The following PTPRO variants were observed in gnomAD, a reference collection of about 807,000 sequenced individuals.
The protein encoded by PTPRO is protein tyrosine phosphatase receptor type O, also known as receptor-type tyrosine-protein phosphatase O.
In PTPRO, 62 loss-of-function variants were observed where a neutral mutation model predicts 145.2. That is an observed-to-expected ratio of 0.43 (90% CI 0.35 to 0.53). PTPRO has a LOEUF of 0.53. Among genes scored for constraint, PTPRO ranks in the 20% least tolerant of loss-of-function variants. The pLI is 0.01. For synonymous variants in PTPRO, 565 were observed against 514.7 expected (o/e 1.10, Z -1.32); for missense variants, 1,345 against 1,482.7 (o/e 0.91, Z 1.53).
Position 15,536,626 on chromosome 12 carries a change from C to T in PTPRO, c.2165-9943C>T, listed in dbSNP as rs564411150. ...CTTTAAGCAGAGGCGCATAACCTAA[C>T]GGGTTTCACTGGGTCACTCTGGTGA... On this transcript the variant is annotated intron_variant, in intron 12 of 26. Transcript: ENST00000281171. Among the ~76,000 whole-genome samples the T allele has an allele frequency of 3.7e-4, 56 of 152,246 alleles. 1 individual carries two copies. The highest frequency in any genetic ancestry group is 1.2e-3 in the African/African-American group (50 of 41,556).
chr12:15,589,412 A>G (rs1944498813), intron 24 of PTPRO, 43 bp from the exon 25 acceptor site: 12 of 1,613,042 alleles, frequency 7.4e-6, no homozygotes, highest in Non-Finnish European at 1.0e-5. Flanking sequence ...GAAAAAAAAG[A>G]AGCACCATCT....
intron 1 of PTPRO, among the ~76,000 whole-genome samples, chr12:15,327,450 C>T (rs1866477849): frequency 6.6e-6 from 1 of 152,114 alleles, no homozygotes; most frequent in Admixed American, 6.5e-5. Flanking sequence ...ATGACCACAA[C>T]CAACCAGAAC....
intron 1 of PTPRO, among the ~76,000 whole-genome samples, chr12:15,445,261 C>G (rs1039449462): frequency 6.6e-6 from 1 of 151,932 alleles, no homozygotes; most frequent in African/African-American, 2.4e-5. Flanking sequence ...TAATTTTGTA[C>G]AGTGGTCATA....
intron 1 of PTPRO, among the ~76,000 whole-genome samples, chr12:15,480,325 T>C (rs1169820202): frequency 6.6e-6 from 1 of 152,238 alleles, no homozygotes; most frequent in Non-Finnish European, 1.5e-5. Flanking sequence ...TTTTGGACTA[T>C]TTCTTGAATA....
In PTPRO at chr12:15,581,744, G is replaced by C; in HGVS notation, c.3198G>C (p.Glu1066Asp). Residue 1066 changes from glutamate to aspartate, a missense_variant, in exon 23 of 27, where the codon GAG (glutamate) becomes GAC (aspartate). Transcript: ENST00000281171. ...EPIAYGDITV[E>D]MISEEEQDDW... is the part of the protein sequence containing the mutation. The stretch of plus-strand genomic sequence containing the variant: ...TAGCCTATGGAGACATCACTGTGGA[G>C]ATGATTTCAGAGGAAGAGCAGGACG... 6.2e-7 allele frequency: 1 copy of C among 1,614,054 alleles called. No homozygotes were observed. The highest frequency in any genetic ancestry group is 8.5e-7 in the Non-Finnish European group (1 of 1,179,954).
chr12:15,560,084 T>G, intron 16 of PTPRO, 109 bp from the exon 17 acceptor site: 1 of 801,456 alleles, frequency 1.2e-6, no homozygotes, highest in East Asian at 2.5e-5. Context: ...AAGGTGCTTG[T>G]CATATTAATT....
chr12:15,534,102 C>A lies in PTPRO; in HGVS notation c.2164+7840C>A, dbSNP rs74063851. On this transcript the variant is annotated intron_variant, in intron 12 of 26. Coordinates refer to ENST00000281171, the MANE Select transcript of PTPRO (RefSeq NM_030667.3). The stretch of plus-strand genomic sequence containing the variant: ...TGGTGCTTTTCCCAGGATGTTGAAC[C>A]AACCATCCCATTAGGAATTTTAGGT... Among the ~76,000 whole-genome samples, 1,456 of 152,138 alleles carry A rather than the reference C, an allele frequency of 9.6e-3. 14 individuals carry two copies. Among genetic ancestry groups the A allele is most frequent in the African/African-American group, 0.033 (1,384 of 41,484 alleles).
intron 1 of PTPRO, among the ~76,000 whole-genome samples, chr12:15,395,705 T>A (rs1186131096): frequency 6.6e-6 from 1 of 152,126 alleles, no homozygotes; most frequent in Admixed American, 6.6e-5. Flanking sequence ...TTACCTGGCC[T>A]AAATTGAAGC....
intron 1 of PTPRO, among the ~76,000 whole-genome samples, chr12:15,437,753 C>T (rs909435175): frequency 1.3e-5 from 2 of 152,146 alleles, no homozygotes; most frequent in Non-Finnish European, 2.9e-5. Flanking sequence ...GAACTTGGAG[C>T]AAAGGTGGTT....
At chr12:15,430,667 A>C (rs1390138272) in intron 1 of PTPRO, among the ~76,000 whole-genome samples, 1 of 152,154 alleles carries the variant, frequency 6.6e-6, no homozygotes, top group Admixed American at 6.6e-5. Context: ...TACATCATGG[A>C]TGCTTAGTAA....
At chr12:15,376,364 CA>C (rs1169060227) in intron 1 of PTPRO, among the ~76,000 whole-genome samples, 1 of 152,000 alleles carries the variant, frequency 6.6e-6, no homozygotes, top group African/African-American at 2.4e-5. Context: ...AACTATCTTT[CA>C]AAAATGAAGG....
intron 4 of PTPRO, among the ~76,000 whole-genome samples, chr12:15,500,456 G>A (rs999618934): frequency 6.6e-6 from 1 of 152,162 alleles, no homozygotes; most frequent in South Asian, 2.1e-4. Flanking sequence ...CCTGGAAGTT[G>A]TTCTCAGTAC....
intron 1 of PTPRO, among the ~76,000 whole-genome samples, chr12:15,445,454 AGTGCACAGGAAACATTTAT>A (rs1940877598): frequency 6.6e-6 from 1 of 152,226 alleles, no homozygotes; most frequent in East Asian, 1.9e-4. Context: ...AAACAATGTA[AGTGCACAGGAAACATTTAT>A]TGTAAGAAAA....
At chr12:15,334,918 A>G (rs1866712560) in intron 1 of PTPRO, among the ~76,000 whole-genome samples, 1 of 152,140 alleles carries the variant, frequency 6.6e-6, no homozygotes, top group South Asian at 2.1e-4. Flanking sequence ...AAACACATTT[A>G]CACAAGTCTC....
chr12:15,447,576 G>A (rs1328436734), intron 1 of PTPRO, among the ~76,000 whole-genome samples: 1 of 152,122 alleles, frequency 6.6e-6, no homozygotes, highest in African/African-American at 2.4e-5. Context: ...AATCCACAAT[G>A]TAATGAATTA....
At chr12:15,332,051 TG>T (rs1866628458) in intron 1 of PTPRO, among the ~76,000 whole-genome samples, 2 of 149,662 alleles carry the variant, frequency 1.3e-5, no homozygotes, top group South Asian at 4.3e-4. Flanking sequence ...CTGCAACCTC[TG>T]CCTTCCAGGT....
At chr12:15,545,249 CA>C (rs1943258283) in intron 12 of PTPRO, among the ~76,000 whole-genome samples, 2 of 151,868 alleles carry the variant, frequency 1.3e-5, no homozygotes, top group South Asian at 4.2e-4. Context: ...ATCCAAGTAA[CA>C]AGCAGGAAGA....
At chr12:15,541,526 G>T (rs973554390) in intron 12 of PTPRO, among the ~76,000 whole-genome samples, 1 of 152,190 alleles carries the variant, frequency 6.6e-6, no homozygotes, top group Non-Finnish European at 1.5e-5. Context: ...GGAAGTTCAA[G>T]GTCCAAGTGT....
intron 12 of PTPRO, among the ~76,000 whole-genome samples, chr12:15,544,167 G>A (rs1490548257): frequency 6.6e-6 from 1 of 152,092 alleles, no homozygotes; most frequent in Non-Finnish European, 1.5e-5. Flanking sequence ...CAATGAATGT[G>A]ATCACAAAAG....
Sources: allele counts gnomAD v4.1 joint callset (sites outside exome capture counted in the v4.1 genomes callset), GRCh38; gene constraint gnomAD v4.1.1; transcripts MANE v1.5; gene names NCBI Gene and HGNC (gene_info 2026-07-23, HGNC 2026-07-21).